NOL4L: variants seen among roughly 807,000 people sequenced by gnomAD.
NOL4L encodes nucleolar protein 4-like.
A neutral mutation model predicts 64.5 loss-of-function variants in NOL4L; 7 were observed. That is an observed-to-expected ratio of 0.11 (90% CI 0.06 to 0.20). NOL4L has a LOEUF of 0.20. NOL4L is among the 10% of genes least tolerant of loss of function. The pLI, the probability that NOL4L is intolerant of heterozygous loss-of-function variation, is 1.00. For synonymous variants in NOL4L, 413 were observed against 401.0 expected (o/e 1.03, Z -0.36); for missense variants, 680 against 967.1 (o/e 0.70, Z 3.94).
At chr20:32,533,883 C>T (rs1021428482) in intron 1 of NOL4L, among the ~76,000 whole-genome samples, 8 of 152,302 alleles carry the variant, frequency 5.3e-5, no homozygotes, top group Middle Eastern at 3.4e-3. Flanking sequence ...AGGCTCCTGC[C>T]GGGGCGACCT....
At position 32,443,338 on chromosome 20, in the gene NOL4L, A is replaced by G. The variant is rs956303726; in HGVS notation, c.*4258T>C. Reference sequence around the variant, plus strand: ...ATATTAAGCCACATTTACTGGTAAAACTCACTATATAGAACACAAATAATT... The same window carrying G: ...ATATTAAGCCACATTTACTGGTAAAGCTCACTATATAGAACACAAATAATT... On this transcript the variant is annotated 3_prime_UTR_variant, in exon 11 of 11. Transcript: ENST00000621426. 4 of 152,244 alleles carry G rather than the reference A, an allele frequency of 2.6e-5. No homozygotes were observed. The highest frequency in any genetic ancestry group is 9.6e-5 in the African/African-American group (4 of 41,464). The allele number at this position is 152,244 out of a possible 1,614,324, so 9.4% of individuals were successfully genotyped here.
chr20:32,514,434 G>A (rs182534120), intron 3 of NOL4L, among the ~76,000 whole-genome samples: 1 of 152,112 alleles, frequency 6.6e-6, no homozygotes, highest in Admixed American at 6.5e-5. Context: ...GGAGGTTGCA[G>A]TGAGCCAAGG....
intron 4 of NOL4L, among the ~76,000 whole-genome samples, chr20:32,481,971 G>GC (rs1384117983): frequency 4.0e-5 from 6 of 148,690 alleles, no homozygotes; most frequent in African/African-American, 7.4e-5. Context: ...GGGCGGGGGG[G>GC]GGGGAGCAGG....
intron 1 of NOL4L, chr20:32,581,859 C>T (rs1980496162): frequency 6.6e-6 from 1 of 152,144 alleles, no homozygotes; most frequent in Non-Finnish European, 1.5e-5. Context: ...TACAGGCTCT[C>T]TCCCAAATGA....
intron 1 of NOL4L, among the ~76,000 whole-genome samples, chr20:32,572,032 C>T (rs1038407995): frequency 6.6e-6 from 1 of 152,206 alleles, no homozygotes; most frequent in African/African-American, 2.4e-5. Flanking sequence ...GATTCACACC[C>T]AACTCCCCAG....
In NOL4L at chr20:32,463,999, CTG is replaced by C. The variant is rs1168164131; in HGVS notation, c.842-7606_842-7605del. Among the ~76,000 whole-genome samples the C allele has an allele frequency of 1.3e-5, 2 of 152,072 alleles. No homozygotes were observed. The highest frequency in any genetic ancestry group is 2.9e-5 in the Non-Finnish European group (2 of 67,990). ...GAGGCAGTGCCGCCTCCATGAGACTCTGTCACAGCAGCAGCCAGGCGGGGGAT... is the reference window on the plus strand; with the variant it reads ...GAGGCAGTGCCGCCTCCATGAGACTCTCACAGCAGCAGCCAGGCGGGGGAT... On this transcript the variant is annotated intron_variant, in intron 5 of 10. Transcript: ENST00000621426. The surrounding 1 kb of genome is among the most constrained non-coding windows in gnomAD (Gnocchi z 5.8).
chr20:32,565,400 C>T (rs1029917604), intron 1 of NOL4L, among the ~76,000 whole-genome samples: 1 of 152,222 alleles, frequency 6.6e-6, no homozygotes. Flanking sequence ...AAAACCTGGT[C>T]GGGGACCACA....
chr20:32,454,091 C>T (rs555396937), intron 6 of NOL4L: 2 of 291,222 alleles, frequency 6.9e-6, no homozygotes, highest in East Asian at 6.2e-5. Context: ...GGACCTGCCA[C>T]GTGTACAGGG....
At position 32,584,687 on chromosome 20, in the gene NOL4L, G is replaced by A. The variant is rs1433412175; in HGVS notation, c.204C>T (p.Pro68=). The change falls in exon 1 of 11, where the codon CCC becomes CCT. Residue 68 remains proline, a synonymous_variant. Transcript: ENST00000621426. ...GGGGTGAGSG[P]AAGEKGKFQF... ...GGAACTTGCCTTTCTCGCCGGCTGC[G>A]GGGCCGCTGCCCGCGCCAGTCCCGC... 1.3e-6 allele frequency: 2 copies of A among 1,547,866 alleles called. No homozygotes were observed.
intron 4 of NOL4L, among the ~76,000 whole-genome samples, chr20:32,492,232 T>G (rs1262231092): frequency 6.6e-6 from 1 of 152,132 alleles, no homozygotes; most frequent in African/African-American, 2.4e-5. Flanking sequence ...CCCCATACCA[T>G]GAAATATTAC....
At chr20:32,579,972 C>T (rs1980364255) in intron 1 of NOL4L, among the ~76,000 whole-genome samples, 1 of 152,168 alleles carries the variant, frequency 6.6e-6, no homozygotes, top group African/African-American at 2.4e-5. Flanking sequence ...GCCAGTCCTG[C>T]CTCAGGCAGC....
chr20:32,496,896 C>A (rs1404762309), intron 4 of NOL4L, among the ~76,000 whole-genome samples: 1 of 151,926 alleles, frequency 6.6e-6, no homozygotes, highest in Non-Finnish European at 1.5e-5. Flanking sequence ...GCAGGGAGGA[C>A]AAGGGTCTGG....
intron 4 of NOL4L, among the ~76,000 whole-genome samples, chr20:32,480,393 G>T (rs889803766): frequency 3.3e-5 from 5 of 152,226 alleles, no homozygotes; most frequent in Non-Finnish European, 7.3e-5. Context: ...TCTGGGCCAA[G>T]CAGGAAAGAG....
At chr20:32,551,344 C>A (rs1423392774) in intron 1 of NOL4L, among the ~76,000 whole-genome samples, 1 of 151,896 alleles carries the variant, frequency 6.6e-6, no homozygotes, top group Non-Finnish European at 1.5e-5. Flanking sequence ...CCACTGCACT[C>A]CAGCCTGGAC....
At chr20:32,545,574 C>G (rs915307759) in intron 1 of NOL4L, among the ~76,000 whole-genome samples, 6 of 152,106 alleles carry the variant, frequency 3.9e-5, no homozygotes, top group African/African-American at 1.4e-4. Context: ...CCGCCCACAG[C>G]CCTGGCCACC....
At position 32,572,170 on chromosome 20, in the gene NOL4L, G is replaced by A. The variant is rs570124248; in HGVS notation, c.321+12400C>T. 3.3e-5 allele frequency among the ~76,000 whole-genome samples: 5 copies of A among 152,318 alleles called. No individual in the cohort carries two copies. In the East Asian group the frequency reaches 5.8e-4, roughly 18 times the overall value. ...CCCTTCCCTGTGCTAGCTGGAGTCT[G>A]TAGTCTGCCTCTTCCCAGCTTTGTG... On this transcript the variant is annotated intron_variant, in intron 1 of 10. Transcript: ENST00000621426.
rs1600899855 is a variant in NOL4L at position 32,584,566 on chromosome 20, T to C, written c.321+4A>G. 1.8e-6 allele frequency: 2 copies of C among 1,093,428 alleles called. No homozygotes were observed. Among genetic ancestry groups the C allele is most frequent in the Non-Finnish European group, 1.1e-6 (1 of 883,946 alleles). The allele number at this position is 1,093,428 out of a possible 1,614,324, so 67.7% of individuals were successfully genotyped here. On this transcript the variant is annotated splice_donor_region_variant and intron_variant, in intron 1 of 10. Coordinates refer to ENST00000621426, the MANE Select transcript of NOL4L (RefSeq NM_001256798.2). ...CCGCCCGCGGCCGCCGCGCGCGCAC[T>C]CACCGAGCCCGTCTTGACCGGCACA...
At chr20:32,475,733 G>A (rs1440993616) in intron 4 of NOL4L, among the ~76,000 whole-genome samples, 1 of 152,152 alleles carries the variant, frequency 6.6e-6, no homozygotes, top group African/African-American at 2.4e-5. Context: ...TGGGCCCCCA[G>A]TGAGGACCTC....
At chr20:32,565,051 C>T (rs1187256577) in intron 1 of NOL4L, 1 of 152,528 alleles carries the variant, frequency 6.6e-6, no homozygotes, top group Non-Finnish European at 1.5e-5. Context: ...GTCCAAGCCC[C>T]ACCAGGCGTG....
Sources: allele counts gnomAD v4.1 joint callset (sites outside exome capture counted in the v4.1 genomes callset), GRCh38; gene constraint gnomAD v4.1.1; non-coding constraint Gnocchi (gnomAD v3.1); transcripts MANE v1.5; gene names NCBI Gene and HGNC (gene_info 2026-07-23, HGNC 2026-07-21).